Variants in ELOVL6 observed in about 807,000 individuals in gnomAD.
The protein encoded by ELOVL6 is very long chain fatty acid elongase 6.
In ELOVL6, 8 loss-of-function variants were observed where a neutral mutation model predicts 31.7. That is an observed-to-expected ratio of 0.25 (90% CI 0.15 to 0.45). ELOVL6 has a LOEUF of 0.45. Ranked by LOEUF, ELOVL6 falls within the 20% of genes least tolerant of loss-of-function variation. The pLI is 1.00. For synonymous variants in ELOVL6, 101 were observed against 117.7 expected, an observed-to-expected ratio of 0.86 and a Z score of 0.92; for missense variants, 126 against 326.4, an observed-to-expected ratio of 0.39 and a Z score of 4.73.
intron 1 of ELOVL6, among the ~76,000 whole-genome samples, chr4:110,173,275 A>T (rs1194726364): frequency 6.6e-6 from 1 of 152,080 alleles, no homozygotes; most frequent in Non-Finnish European, 1.5e-5. Context: ...AGCAGGTGAG[A>T]TGTGATCCCA....
intron 1 of ELOVL6, among the ~76,000 whole-genome samples, chr4:110,176,797 G>C (rs1759119242): frequency 6.6e-6 from 1 of 152,174 alleles, no homozygotes; most frequent in South Asian, 2.1e-4. Context: ...GAGTGCAATG[G>C]CACGATCTCG....
intron 1 of ELOVL6, among the ~76,000 whole-genome samples, chr4:110,131,511 AC>A (rs1298779561): frequency 6.6e-6 from 1 of 152,230 alleles, no homozygotes; most frequent in Non-Finnish European, 1.5e-5. Context: ...CAGCTGGTTT[AC>A]TTGTTTATTC....
intron 3 of ELOVL6, among the ~76,000 whole-genome samples, chr4:110,056,888 A>G (rs1266030266): frequency 6.6e-6 from 1 of 152,136 alleles, no homozygotes. Flanking sequence ...AGGGGAATGG[A>G]CATTTGGGCC....
At chr4:110,105,243 G>A (rs1756852822) in intron 2 of ELOVL6, among the ~76,000 whole-genome samples, 1 of 152,064 alleles carries the variant, frequency 6.6e-6, no homozygotes, top group Non-Finnish European at 1.5e-5. Flanking sequence ...CATCCTAACA[G>A]ATCAATCAGA....
intron 1 of ELOVL6, among the ~76,000 whole-genome samples, chr4:110,187,917 AAT>A (rs1759497091): frequency 6.6e-6 from 1 of 152,206 alleles, no homozygotes; most frequent in Non-Finnish European, 1.5e-5. Context: ...TATACTTCTT[AAT>A]GTTTTCATTT....
intron 2 of ELOVL6, among the ~76,000 whole-genome samples, chr4:110,082,220 T>C (rs1271480495): frequency 6.6e-6 from 1 of 151,804 alleles, no homozygotes; most frequent in Non-Finnish European, 1.5e-5. Flanking sequence ...GAAATACCAT[T>C]TGACCCAGCT....
At chr4:110,180,412 A>T (rs868735513) in intron 1 of ELOVL6, among the ~76,000 whole-genome samples, 2 of 152,098 alleles carry the variant, frequency 1.3e-5, no homozygotes, top group South Asian at 4.1e-4. Context: ...ACAGGGTCTC[A>T]TTTTGTTGCC....
intron 1 of ELOVL6, among the ~76,000 whole-genome samples, chr4:110,123,734 G>A (rs1281319027): frequency 6.6e-6 from 1 of 152,104 alleles, no homozygotes; most frequent in East Asian, 1.9e-4. Context: ...ATCTTCAAAG[G>A]TAAAATTTAC....
At chr4:110,150,684 C>CAATGATGTACT (rs1324127106) in intron 1 of ELOVL6, among the ~76,000 whole-genome samples, 12 of 152,032 alleles carry the variant, frequency 7.9e-5, no homozygotes, top group African/African-American at 1.2e-4. Context: ...ATTGTATGAT[C>CAATGATGTACT]CTTTCATTTC....
At chr4:110,112,059 G>A (rs1196945384) in intron 1 of ELOVL6, among the ~76,000 whole-genome samples, 1 of 152,226 alleles carries the variant, frequency 6.6e-6, no homozygotes, top group Non-Finnish European at 1.5e-5. Flanking sequence ...TCCCATGGGT[G>A]AGAGATGGGG....
At chr4:110,066,103 G>A (rs1404341040) in intron 2 of ELOVL6, among the ~76,000 whole-genome samples, 1 of 152,134 alleles carries the variant, frequency 6.6e-6, no homozygotes, top group African/African-American at 2.4e-5. Flanking sequence ...TGGGAAAGGA[G>A]TTGTCAAAAA....
intron 1 of ELOVL6, among the ~76,000 whole-genome samples, chr4:110,160,509 A>C (rs1031463163): frequency 6.6e-6 from 1 of 152,202 alleles, no homozygotes; most frequent in Admixed American, 6.6e-5. Flanking sequence ...TCAGGGATTA[A>C]AAACAGTATC....
chr4:110,127,078 G>A (rs1443444975), intron 1 of ELOVL6, among the ~76,000 whole-genome samples: 1 of 152,164 alleles, frequency 6.6e-6, no homozygotes. Flanking sequence ...AAGAGACACA[G>A]GATATATGTA....
Position 110,083,232 on chromosome 4 carries a change from C to T in ELOVL6, c.221+22265G>A, listed in dbSNP as rs188088981. On this transcript the variant is annotated intron_variant, in intron 2 of 3. Transcript: ENST00000302274. ...GCTTACTAATTTCAGGTAGTAAGTGCCACAGGATAACAAAACCAGGTAAAG... is the reference window on the plus strand; with the variant it reads ...GCTTACTAATTTCAGGTAGTAAGTGTCACAGGATAACAAAACCAGGTAAAG... 1.1e-3 allele frequency among the ~76,000 whole-genome samples: 171 copies of T among 151,726 alleles called. 3 individuals are homozygous for T. The highest frequency in any genetic ancestry group is 4.0e-3 in the African/African-American group (165 of 41,074).
intron 2 of ELOVL6, among the ~76,000 whole-genome samples, chr4:110,068,297 C>T (rs1280364139): frequency 6.6e-6 from 1 of 152,088 alleles, no homozygotes; most frequent in Non-Finnish European, 1.5e-5. Flanking sequence ...TCTTGAACTC[C>T]TAGACTGAGA....
chr4:110,169,049 C>T (rs1414773401), intron 1 of ELOVL6, among the ~76,000 whole-genome samples: 2 of 152,024 alleles, frequency 1.3e-5, no homozygotes, highest in Admixed American at 1.3e-4. Context: ...GTAGCCTAGA[C>T]CTCTTGGGCT....
chr4:110,094,237 A>C (rs1756500684), intron 2 of ELOVL6, among the ~76,000 whole-genome samples: 1 of 145,136 alleles, frequency 6.9e-6, no homozygotes. Context: ...CAATAGAGCT[A>C]AACTCCATCT....
intron 1 of ELOVL6, among the ~76,000 whole-genome samples, chr4:110,196,487 C>A (rs947241153): frequency 6.6e-6 from 1 of 152,226 alleles, no homozygotes; most frequent in Non-Finnish European, 1.5e-5. Context: ...AGAGAAGGAC[C>A]CCGGGCGGTG....
At chr4:110,115,492 C>T (rs575699515) in intron 1 of ELOVL6, among the ~76,000 whole-genome samples, 1 of 152,102 alleles carries the variant, frequency 6.6e-6, no homozygotes, top group South Asian at 2.1e-4. Context: ...GCCTGTAATC[C>T]CAGCATTTCG....
Sources: allele counts gnomAD v4.1 joint callset (sites outside exome capture counted in the v4.1 genomes callset), GRCh38; gene constraint gnomAD v4.1.1; transcripts MANE v1.5; gene names NCBI Gene and HGNC (gene_info 2026-07-23, HGNC 2026-07-21).